The following ELAPOR2 variants were observed in gnomAD, a reference collection of about 807,000 sequenced individuals.
ELAPOR2 encodes the protein endosome/lysosome-associated apoptosis and autophagy regulator family member 2.
A neutral mutation model predicts 120.7 loss-of-function variants in ELAPOR2; 89 were observed. The ratio of observed to expected loss-of-function variants is 0.74; its 90% CI spans 0.62 to 0.88. The LOEUF (loss-of-function observed/expected upper bound fraction) is 0.88. Ranked by LOEUF, ELAPOR2 falls within the 40% of genes least tolerant of loss-of-function variation. ELAPOR2 has a pLI of 0.00. For missense variants in ELAPOR2, 1,134 were observed against 1,251.6 expected (o/e 0.91, Z 1.42); for synonymous variants, 444 against 444.9 (o/e 1.00, Z 0.03).
At chr7:87,010,798 G>A (rs565357168) in intron 1 of ELAPOR2, among the ~76,000 whole-genome samples, 140 of 151,584 alleles carry the variant, frequency 9.2e-4, no homozygotes, top group Admixed American at 2.1e-3. Context: ...TTTTCAAATA[G>A]TTTCAATCTG....
At chr7:86,972,597 T>G (rs1792141887) in intron 1 of ELAPOR2, among the ~76,000 whole-genome samples, 2 of 149,852 alleles carry the variant, frequency 1.3e-5, no homozygotes, top group East Asian at 2.0e-4. Flanking sequence ...AAAAAAAAAG[T>G]TTTTTGTTTT....
In ELAPOR2 at chr7:86,925,662, G is replaced by A; in HGVS notation, c.1271-6C>T. ...TGCTGGACATGGTCTACATTCTACA[G>A]GAGACAAGTAGGGTCAACAATTAAA... On this transcript the variant is annotated splice_polypyrimidine_tract_variant and splice_region_variant and intron_variant, in intron 9 of 21. Coordinates refer to ENST00000450689, the MANE Select transcript of ELAPOR2 (RefSeq NM_001142749.3). The A allele has an allele frequency of 6.2e-7, 1 of 1,610,954 alleles. No homozygotes were observed.
At chr7:86,892,296 C>T (rs1368969987) in intron 20 of ELAPOR2, among the ~76,000 whole-genome samples, 1 of 152,004 alleles carries the variant, frequency 6.6e-6, no homozygotes, top group African/African-American at 2.4e-5. Context: ...TATCATCTCT[C>T]TATATTATTT....
Position 86,913,200 on chromosome 7 carries a change from C to T in ELAPOR2, c.1736G>A (p.Arg579Lys), listed in dbSNP as rs926147654. Residue 579 changes from arginine (R) to lysine (K), a missense_variant, in exon 14 of 22, where the codon AGA (arginine) becomes AAA (lysine). Physicochemically the swap from Arg to Lys is conservative, Grantham distance 26 (BLOSUM62 2). Transcript: ENST00000450689. ...CTTCACCATGTCATTGATGAACCGT[C>T]TATTCTAAAAAAAAGAGCATAAAGT... Reference protein sequence around the residue: ...FQRTNQGQDNRRFINDMVKIY... With the variant: ...FQRTNQGQDNKRFINDMVKIY... The T allele has an allele frequency of 6.2e-7, 1 of 1,612,224 alleles. No individual in the cohort carries two copies. The highest frequency in any genetic ancestry group is 1.3e-5 in the African/African-American group (1 of 74,828).
intron 1 of ELAPOR2, among the ~76,000 whole-genome samples, chr7:87,032,349 C>T (rs897153410): frequency 3.9e-5 from 6 of 152,094 alleles, no homozygotes; most frequent in Non-Finnish European, 8.8e-5. Context: ...ACACTTACAG[C>T]AATGCCTGAG....
At chr7:86,980,219 A>T (rs1159941032) in intron 1 of ELAPOR2, among the ~76,000 whole-genome samples, 2 of 152,234 alleles carry the variant, frequency 1.3e-5, no homozygotes, top group African/African-American at 2.4e-5. Context: ...AGTGCCTTTG[A>T]ATTAAGGAAA....
intron 1 of ELAPOR2, among the ~76,000 whole-genome samples, chr7:87,050,978 G>A (rs980661862): frequency 1.3e-5 from 2 of 152,218 alleles, no homozygotes; most frequent in African/African-American, 4.8e-5. Flanking sequence ...TGGGGAAAAT[G>A]TCAGGAGTTC....
Position 86,925,630 on chromosome 7 carries a change from C to T in ELAPOR2, c.1297G>A (p.Glu433Lys). The T allele has an allele frequency of 6.2e-7, 1 of 1,611,888 alleles. No individual in the cohort carries two copies. The highest frequency in any genetic ancestry group is 8.5e-7 in the Non-Finnish European group (1 of 1,178,522). Residue 433 changes from glutamate to lysine, a missense_variant, in exon 10 of 22, where the codon GAG (glutamate) becomes AAG (lysine). Around this residue, in one of 3 missense-constraint regions of ELAPOR2, gnomAD observed 831 missense variants for 867.6 expected, o/e 0.96. Transcript: ENST00000450689. ...KECRPCPAGT[E>K]PALGFEYKWW... The stretch of plus-strand genomic sequence containing the variant: ...TTATATTCAAAGCCAAGTGCAGGCT[C>T]CGTTCCTGCTGGACATGGTCTACAT...
At chr7:87,048,939 A>C (rs1181207159) in intron 1 of ELAPOR2, among the ~76,000 whole-genome samples, 2 of 152,234 alleles carry the variant, frequency 1.3e-5, no homozygotes, top group African/African-American at 2.4e-5. Flanking sequence ...AAAAATCCAG[A>C]CACTGTTTTG....
intron 1 of ELAPOR2, among the ~76,000 whole-genome samples, chr7:87,042,049 A>G (rs1178993620): frequency 1.3e-5 from 2 of 150,800 alleles, no homozygotes; most frequent in African/African-American, 4.9e-5. Flanking sequence ...TCAATTCAAC[A>G]AGAAGAGCTA....
In ELAPOR2 at chr7:86,966,722, G is replaced by C. The variant is rs114155383; in HGVS notation, c.190-1698C>G. On this transcript the variant is annotated intron_variant, in intron 1 of 21. Coordinates refer to ENST00000450689, the MANE Select transcript of ELAPOR2 (RefSeq NM_001142749.3). ...AATATATTCTCTCACAGTTCTGGAGGCTGGAAGTTCAAAAGCTGTATTACA... is the reference window on the plus strand; with the variant it reads ...AATATATTCTCTCACAGTTCTGGAGCCTGGAAGTTCAAAAGCTGTATTACA... 9.1e-3 allele frequency among the ~76,000 whole-genome samples: 1,385 copies of C among 152,278 alleles called. 13 individuals are homozygous for C. Among genetic ancestry groups the C allele is most frequent in the African/African-American group, 0.032 (1,315 of 41,564 alleles).
intron 12 of ELAPOR2, among the ~76,000 whole-genome samples, chr7:86,917,992 A>C (rs1167594874): frequency 6.6e-6 from 1 of 152,130 alleles, no homozygotes; most frequent in African/African-American, 2.4e-5. Context: ...TTATGACATG[A>C]GCATAGTACT....
chr7:86,952,970 C>G (rs577791058), intron 2 of ELAPOR2, among the ~76,000 whole-genome samples: 1 of 151,916 alleles, frequency 6.6e-6, no homozygotes, highest in Admixed American at 6.6e-5. Context: ...GTGGCGCACA[C>G]CTGTAATCTC....
At chr7:86,938,751 G>A (rs1790674667) in intron 7 of ELAPOR2, 57 bp downstream of exon 7, 1 of 1,578,612 alleles carries the variant, frequency 6.3e-7, no homozygotes, top group Non-Finnish European at 8.7e-7. Flanking sequence ...GTTTATAAAT[G>A]TACACTTGAC....
Position 86,913,135 on chromosome 7 carries a change from C to T in ELAPOR2, c.1801G>A (p.Ala601Thr), listed in dbSNP as rs1789398916. The T allele has an allele frequency of 6.2e-7, 1 of 1,614,040 alleles. No homozygotes were observed. Among genetic ancestry groups the T allele is most frequent in the African/African-American group, 1.3e-5 (1 of 75,042 alleles). ...AGGGCACAGGCACGGCATGAGGACG[C>T]CACCCCATCAACTGCATTAGTGGCT... The part of the protein sequence containing the change: ...ITATNAVDGV[A>T]SSCRACALGS... Residue 601 changes from alanine to threonine, a missense_variant, in exon 14 of 22, where the codon GCG becomes ACG. By Grantham distance (58) the Ala-to-Thr change is moderately conservative. Coordinates refer to ENST00000450689, the MANE Select transcript of ELAPOR2 (RefSeq NM_001142749.3).
chr7:86,957,579 T>C lies in ELAPOR2; in HGVS notation c.310+7325A>G, dbSNP rs115758534. On this transcript the variant is annotated intron_variant, in intron 2 of 21. Coordinates refer to ENST00000450689, the MANE Select transcript of ELAPOR2 (RefSeq NM_001142749.3). ...TCTATATATCAAGTACCAAACAATA[T>C]GTTAAGTATGGGGAAAAAAAACAAC... Among the ~76,000 whole-genome samples, 482 of 152,282 alleles carry C rather than the reference T, an allele frequency of 3.2e-3. 3 individuals are homozygous for C. Among genetic ancestry groups the C allele is most frequent in the African/African-American group, 0.011 (445 of 41,554 alleles).
intron 8 of ELAPOR2, among the ~76,000 whole-genome samples, chr7:86,927,496 C>T (rs1267910954): frequency 3.9e-5 from 6 of 151,928 alleles, no homozygotes; most frequent in Non-Finnish European, 4.4e-5. Context: ...CCAGAGGCTT[C>T]TAGGTCCTGA....
At chr7:86,916,432 T>C (rs1789572650) in intron 12 of ELAPOR2, among the ~76,000 whole-genome samples, 2 of 152,156 alleles carry the variant, frequency 1.3e-5, no homozygotes, top group African/African-American at 4.8e-5. Flanking sequence ...GTACAGAGTG[T>C]TCCACTAATA....
chr7:87,042,272 C>A (rs552595992), intron 1 of ELAPOR2, among the ~76,000 whole-genome samples: 5 of 150,968 alleles, frequency 3.3e-5, no homozygotes, highest in African/African-American at 1.2e-4. Context: ...TAATAGACAT[C>A]TACAGAACTC....
Sources: allele counts gnomAD v4.1 joint callset (sites outside exome capture counted in the v4.1 genomes callset), GRCh38; gene constraint gnomAD v4.1.1; regional missense constraint gnomAD v4.1.1; transcripts MANE v1.5; gene names NCBI Gene and HGNC (gene_info 2026-07-23, HGNC 2026-07-21).